The following SHISA9 variants were observed in gnomAD, a reference collection of about 807,000 sequenced individuals.
SHISA9 encodes the protein shisa family member 9.
SHISA9 carries 13 observed loss-of-function variants against 38.0 expected under a neutral mutation model. The ratio of observed to expected loss-of-function variants is 0.34; its 90% CI spans 0.22 to 0.54. SHISA9 has a LOEUF of 0.54. Among genes scored for constraint, SHISA9 ranks in the 20% least tolerant of loss-of-function variants. The pLI is 0.91. For missense variants in SHISA9, 538 were observed against 575.8 expected (o/e 0.93, Z 0.67); for synonymous variants, 275 against 242.0 (o/e 1.14, Z -1.27).
chr16:12,978,872 A>T (rs1291095697), intron 2 of SHISA9, among the ~76,000 whole-genome samples: 2 of 152,230 alleles, frequency 1.3e-5, no homozygotes, highest in Non-Finnish European at 2.9e-5. Context: ...GTAATTGTAG[A>T]ATCTAGATGG....
intron 2 of SHISA9, among the ~76,000 whole-genome samples, chr16:13,119,473 CAT>C (rs2074064075): frequency 6.6e-6 from 1 of 152,114 alleles, no homozygotes; most frequent in Non-Finnish European, 1.5e-5. Flanking sequence ...ATCTAAAGTA[CAT>C]GTTTATTAAT....
the SHISA9 span, among the ~76,000 whole-genome samples, chr16:13,349,017 CT>C: frequency 6.6e-6 from 1 of 152,112 alleles, no homozygotes; most frequent in Non-Finnish European, 1.5e-5. Context: ...GACATTTGTT[CT>C]TTGAAATTAC....
intron 2 of SHISA9, among the ~76,000 whole-genome samples, chr16:13,021,993 G>A (rs919422110): frequency 6.6e-6 from 1 of 152,136 alleles, no homozygotes. Context: ...GTGGGGCTGC[G>A]CTCCCTCTGA....
intron 2 of SHISA9, among the ~76,000 whole-genome samples, chr16:12,920,436 A>G (rs1051579903): frequency 6.6e-6 from 1 of 152,206 alleles, no homozygotes; most frequent in Admixed American, 6.5e-5. Context: ...TGATAGCACA[A>G]CAGGGTGACT....
intron 2 of SHISA9, among the ~76,000 whole-genome samples, chr16:12,978,385 A>G (rs961756923): frequency 2.0e-5 from 3 of 152,244 alleles, no homozygotes; most frequent in African/African-American, 7.2e-5. Context: ...ACGTAACCCA[A>G]GGAGTAGATG....
intron 2 of SHISA9, among the ~76,000 whole-genome samples, chr16:13,123,301 C>G (rs527712042): frequency 6.6e-6 from 1 of 152,324 alleles, no homozygotes; most frequent in East Asian, 1.9e-4. Flanking sequence ...TGTTATTCAA[C>G]AAGGATAAAT....
At chr16:13,384,425 C>T in the SHISA9 span, among the ~76,000 whole-genome samples, 1 of 152,172 alleles carries the variant, frequency 6.6e-6, no homozygotes, top group African/African-American at 2.4e-5. Flanking sequence ...ACCTTGAGGA[C>T]TTCAGGGGCC....
chr16:13,060,948 A>T (rs564980463), intron 2 of SHISA9, among the ~76,000 whole-genome samples: 9 of 152,240 alleles, frequency 5.9e-5, no homozygotes, highest in African/African-American at 2.2e-4. Flanking sequence ...GCATGGGGTC[A>T]TACTCTCCAT....
the SHISA9 span, among the ~76,000 whole-genome samples, chr16:13,458,072 G>A: frequency 6.6e-6 from 1 of 151,948 alleles, no homozygotes; most frequent in African/African-American, 2.4e-5. Flanking sequence ...TGTTCAATGA[G>A]TGGATGAACC....
the SHISA9 span, among the ~76,000 whole-genome samples, chr16:13,491,818 CTTTTTTTTTTTTTTTTTTTTTTTTTT>C: frequency 4.5e-5 from 2 of 44,506 alleles, no homozygotes; most frequent in Admixed American, 2.9e-4. Context: ...ATTTATTGAC[CTTTTTTTTTTTTTTTTTTTTTTTTTT>C]TTTTTTTTTT....
intron 2 of SHISA9, among the ~76,000 whole-genome samples, chr16:12,983,203 C>T (rs1359791766): frequency 2.6e-5 from 4 of 152,130 alleles, no homozygotes; most frequent in Admixed American, 2.0e-4. Context: ...GCCCAGAGAG[C>T]GAAGCTGAGA....
intron 2 of SHISA9, among the ~76,000 whole-genome samples, chr16:13,119,624 G>A (rs916137857): frequency 2.6e-4 from 39 of 152,046 alleles, no homozygotes; most frequent in African/African-American, 8.9e-4. Flanking sequence ...TTATAATTAA[G>A]CTGTCACTCT....
chr16:13,298,668 G>A, the SHISA9 span, among the ~76,000 whole-genome samples: 2 of 152,180 alleles, frequency 1.3e-5, no homozygotes, highest in Non-Finnish European at 2.9e-5. Context: ...TTGCCTCCAG[G>A]ATTGCCTGGG....
At chr16:13,257,439 G>A in the SHISA9 span, among the ~76,000 whole-genome samples, 1 of 152,114 alleles carries the variant, frequency 6.6e-6, no homozygotes, top group Non-Finnish European at 1.5e-5. Context: ...TTCAAGGGTG[G>A]GGACTGGGAC....
chr16:13,309,853 G>A, the SHISA9 span, among the ~76,000 whole-genome samples: 1 of 151,598 alleles, frequency 6.6e-6, no homozygotes, highest in Non-Finnish European at 1.5e-5. Context: ...TCCAAGTTCT[G>A]TATTTTATTT....
chr16:13,555,356 A>T, the SHISA9 span, among the ~76,000 whole-genome samples: 2 of 152,214 alleles, frequency 1.3e-5, no homozygotes, highest in African/African-American at 4.8e-5. Flanking sequence ...TTGATAATGA[A>T]TAAAGATGGT....
chr16:13,469,365 A>AAAAGAAAAAG, the SHISA9 span, among the ~76,000 whole-genome samples: 6 of 64,534 alleles, frequency 9.3e-5, no homozygotes, highest in East Asian at 7.3e-4. Flanking sequence ...AAAGAAAAGA[A>AAAAGAAAAAG]AAAGAAAGAA....
chr16:13,427,929 T>C, the SHISA9 span, among the ~76,000 whole-genome samples: 8 of 152,226 alleles, frequency 5.3e-5, no homozygotes. Flanking sequence ...ACATTGCAGA[T>C]GTTTGATAAA....
intron 2 of SHISA9, among the ~76,000 whole-genome samples, chr16:13,120,757 A>T (rs2050201933): frequency 6.6e-6 from 1 of 152,154 alleles, no homozygotes; most frequent in Admixed American, 6.5e-5. Flanking sequence ...CTGATTAAAT[A>T]ACAATACTGT....
Sources: allele counts gnomAD v4.1 joint callset (sites outside exome capture counted in the v4.1 genomes callset), GRCh38; gene constraint gnomAD v4.1.1; transcripts MANE v1.5; gene names NCBI Gene and HGNC (gene_info 2026-07-23, HGNC 2026-07-21).